NRG3: variants seen among roughly 807,000 people sequenced by gnomAD.
The protein encoded by NRG3 is pro-neuregulin-3, membrane-bound isoform.
In NRG3, 31 loss-of-function variants were observed where a neutral mutation model predicts 66.9. The observed-to-expected ratio is 0.46, with a 90% CI of 0.35 to 0.63. The LOEUF (loss-of-function observed/expected upper bound fraction) is 0.63. NRG3 is among the 20% of genes least tolerant of loss of function. The pLI is 0.00. For synonymous variants in NRG3, 393 were observed against 359.4 expected (o/e 1.09, Z -1.06); for missense variants, 910 against 878.9 (o/e 1.04, Z -0.45).
chr10:82,252,004 G>A (rs1033520540), intron 1 of NRG3, among the ~76,000 whole-genome samples: 5 of 152,014 alleles, frequency 3.3e-5, no homozygotes, highest in African/African-American at 7.2e-5. Context: ...GGAAGGCATC[G>A]CCCCCACCCA....
At chr10:82,091,121 A>G (rs2133513723) in intron 1 of NRG3, among the ~76,000 whole-genome samples, 1 of 151,454 alleles carries the variant, frequency 6.6e-6, no homozygotes, top group South Asian at 2.1e-4. Flanking sequence ...CTTCCATTTC[A>G]TTGTAACCTT....
intron 2 of NRG3, among the ~76,000 whole-genome samples, chr10:82,617,426 G>A (rs1243092727): frequency 6.6e-6 from 1 of 151,964 alleles, no homozygotes; most frequent in African/African-American, 2.4e-5. Context: ...GGAGAAGGAG[G>A]CAGCATGGAG....
At chr10:82,044,185 A>G (rs1015901065) in intron 1 of NRG3, among the ~76,000 whole-genome samples, 2 of 151,980 alleles carry the variant, frequency 1.3e-5, no homozygotes, top group Non-Finnish European at 2.9e-5. Context: ...GAGCATGTGT[A>G]TGATTATCAT....
intron 2 of NRG3, among the ~76,000 whole-genome samples, chr10:82,699,018 CTT>C (rs749393348): frequency 2.0e-5 from 3 of 152,052 alleles, no homozygotes; most frequent in Non-Finnish European, 4.4e-5. Flanking sequence ...CTTGTAATGT[CTT>C]ATTAAGAGGA....
intron 1 of NRG3, among the ~76,000 whole-genome samples, chr10:81,964,416 A>G (rs974676964): frequency 9.2e-5 from 12 of 129,916 alleles, no homozygotes; most frequent in East Asian, 3.9e-4. Context: ...AAAAAAAAAA[A>G]AAGAAGAATA....
intron 1 of NRG3, among the ~76,000 whole-genome samples, chr10:81,971,891 A>C (rs1589644825): frequency 1.3e-5 from 2 of 152,214 alleles, no homozygotes; most frequent in Admixed American, 6.5e-5. Flanking sequence ...GATAGAAGCA[A>C]TATGTAAAGG....
At chr10:82,695,443 A>G (rs2246880) in intron 2 of NRG3, among the ~76,000 whole-genome samples, 139,171 of 151,930 alleles carry the variant, frequency 0.92, 63,798 homozygotes, top group East Asian at 1. Flanking sequence ...GCAGTTTAAT[A>G]TACGAGTATG....
At chr10:82,047,194 G>T (rs2063340177) in intron 1 of NRG3, among the ~76,000 whole-genome samples, 2 of 151,422 alleles carry the variant, frequency 1.3e-5, no homozygotes, top group Admixed American at 1.3e-4. Context: ...GAATCCATCT[G>T]GTCCTGGACT....
intron 8 of NRG3, among the ~76,000 whole-genome samples, chr10:82,981,797 A>T (rs1219710070): frequency 2.0e-5 from 3 of 152,220 alleles, no homozygotes; most frequent in Admixed American, 1.3e-4. Flanking sequence ...GAACTGTATC[A>T]TGTCAGGAAA....
rs150979449 is a variant in NRG3, at chr10:82,630,219, G to A, written c.954-108358G>A. Among the ~76,000 whole-genome samples, 162 of 152,168 alleles carry A rather than the reference G, an allele frequency of 1.1e-3. 2 individuals are homozygous for A. Among genetic ancestry groups the A allele is most frequent in the African/African-American group, 3.6e-3 (148 of 41,518 alleles). ...TCGGAATAAGAAGAAAATGGGAGGC[G>A]CCAAAGAGTAAAAAGTCAGAGAAAA... On this transcript the variant is annotated intron_variant, in intron 2 of 8. Coordinates refer to ENST00000372141, the MANE Select transcript of NRG3 (RefSeq NM_001010848.4).
At chr10:82,479,351 A>G (rs1842037577) in intron 2 of NRG3, among the ~76,000 whole-genome samples, 1 of 152,100 alleles carries the variant, frequency 6.6e-6, no homozygotes, top group African/African-American at 2.4e-5. Flanking sequence ...ACACCTATAG[A>G]CAGAGAGGAA....
At chr10:82,583,224 T>C (rs976284259) in intron 2 of NRG3, among the ~76,000 whole-genome samples, 2 of 152,160 alleles carry the variant, frequency 1.3e-5, no homozygotes, top group Non-Finnish European at 2.9e-5. Context: ...TATCTGTACT[T>C]CTCAGTTTTA....
chr10:82,200,084 A>T (rs1468837762), intron 1 of NRG3, among the ~76,000 whole-genome samples: 1 of 152,180 alleles, frequency 6.6e-6, no homozygotes, highest in South Asian at 2.1e-4. Flanking sequence ...ACAAATTTTT[A>T]TTGAGCACCT....
At chr10:82,614,313 C>G (rs1232557521) in intron 2 of NRG3, among the ~76,000 whole-genome samples, 1 of 152,160 alleles carries the variant, frequency 6.6e-6, no homozygotes, top group Admixed American at 6.5e-5. Context: ...GCAGCATTTT[C>G]CAATGAGTTT....
At chr10:82,937,087 A>G (rs1848144108) in intron 4 of NRG3, among the ~76,000 whole-genome samples, 2 of 151,882 alleles carry the variant, frequency 1.3e-5, no homozygotes, top group African/African-American at 4.8e-5. Flanking sequence ...TGACTACAAC[A>G]CTCTTTTAAT....
At chr10:82,282,868 C>T (rs1244991881) in intron 1 of NRG3, among the ~76,000 whole-genome samples, 1 of 151,972 alleles carries the variant, frequency 6.6e-6, no homozygotes, top group Admixed American at 6.6e-5. Context: ...AAAACACCTC[C>T]CAGGTGACTT....
intron 1 of NRG3, among the ~76,000 whole-genome samples, chr10:82,044,758 T>C (rs888000638): frequency 3.9e-5 from 6 of 152,068 alleles, no homozygotes; most frequent in Admixed American, 3.9e-4. Flanking sequence ...GATGTTCCCC[T>C]TCCTGTGTCC....
chr10:81,876,376 G>A (rs1445237385), intron 1 of NRG3, among the ~76,000 whole-genome samples: 1 of 152,152 alleles, frequency 6.6e-6, no homozygotes, highest in Admixed American at 6.5e-5. Context: ...AGGAACGGGA[G>A]GGAGATTGTC....
intron 2 of NRG3, among the ~76,000 whole-genome samples, chr10:82,736,724 T>C (rs566176397): frequency 1.3e-5 from 2 of 152,324 alleles, no homozygotes; most frequent in South Asian, 2.1e-4. Context: ...AATAGAATAA[T>C]GCATTTTAAG....
Sources: gnomAD v4.1 joint callset for allele counts (sites outside exome capture counted in the v4.1 genomes callset) on GRCh38, gnomAD v4.1.1 for gene constraint, MANE v1.5 for transcripts, NCBI Gene and HGNC (gene_info 2026-07-23, HGNC 2026-07-21) for gene names.